Variants in PAK3 observed in about 807,000 individuals in gnomAD.
PAK3 encodes the protein p21 (RAC1) activated kinase 3, also known as serine/threonine-protein kinase PAK 3.
Under a neutral mutation model 41.0 loss-of-function variants are expected in PAK3, and 4 were observed. The ratio of observed to expected loss-of-function variants is 0.10; its 90% CI spans 0.05 to 0.22. The LOEUF (loss-of-function observed/expected upper bound fraction) is 0.22. PAK3 is among the 10% of genes least tolerant of loss of function. The pLI is 1.00. For missense variants in PAK3, 205 were observed against 409.9 expected (o/e 0.50, Z 4.32); for synonymous variants, 146 against 139.6 (o/e 1.05, Z -0.32).
At chrX:111,063,008 C>A (rs1264322837) in intron 1 of PAK3, among the ~76,000 whole-genome samples, 3 of 111,226 alleles carry the variant, frequency 2.7e-5, no homozygotes, top group Non-Finnish European at 5.7e-5. Flanking sequence ...AAAAAAAACT[C>A]TTACTTCCTA....
intron 1 of PAK3, among the ~76,000 whole-genome samples, chrX:111,054,741 A>G (rs1174221437): frequency 1.8e-5 from 2 of 111,259 alleles, no homozygotes; most frequent in Non-Finnish European, 3.8e-5. Context: ...AAATACTTCC[A>G]TATCTATTGA....
chrX:111,050,482 C>T (rs7883013), intron 1 of PAK3, among the ~76,000 whole-genome samples: 3,232 of 112,156 alleles, frequency 0.029, 107 homozygotes, highest in African/African-American at 0.097. Context: ...AAGTTCACCC[C>T]GATATGTAAA....
intron 1 of PAK3, among the ~76,000 whole-genome samples, chrX:111,044,336 G>C (rs1374595277): frequency 8.9e-6 from 1 of 112,066 alleles, no homozygotes; most frequent in Non-Finnish European, 1.9e-5. Context: ...ATGGCCTTTG[G>C]TTGCTCCTAC....
intron 1 of PAK3, among the ~76,000 whole-genome samples, chrX:110,994,556 G>A (rs547718249): frequency 8.1e-5 from 9 of 111,604 alleles, no homozygotes; most frequent in African/African-American, 2.9e-4. Context: ...GACCAAGCAG[G>A]ACACTTGCTG....
intron 5 of PAK3, among the ~76,000 whole-genome samples, chrX:111,126,725 A>G (rs774664837): frequency 3.6e-5 from 4 of 112,083 alleles, no homozygotes; most frequent in East Asian, 2.8e-4. Flanking sequence ...CTGAATAACC[A>G]TAATATCATT....
At chrX:111,145,519 C>T (rs774575065) in intron 6 of PAK3, among the ~76,000 whole-genome samples, 3 of 111,844 alleles carry the variant, frequency 2.7e-5, no homozygotes, top group African/African-American at 3.2e-5. Context: ...TTGGCCATTA[C>T]GGTATTAACA....
At position 111,192,152 on chromosome X, in the gene PAK3, C is replaced by A; in HGVS notation, c.856C>A (p.Leu286Ile). 1 of 1,124,016 alleles carries A rather than the reference C, an allele frequency of 8.9e-7. No homozygotes were observed. The highest frequency in any genetic ancestry group is 1.2e-6 in the Non-Finnish European group (1 of 816,772). The allele number at this position is 1,124,016 out of a possible 1,213,427, so 92.6% of individuals were successfully genotyped here. A position where few individuals can be genotyped will look rare whatever the true frequency, so the allele number is the denominator to read the frequency against. Reference sequence around the variant, plus strand: ...GGCATCAGGTACTGTTTATACAGCACTAGACATTGCAACAGGACAAGAGGT... The same window carrying A: ...GGCATCAGGTACTGTTTATACAGCAATAGACATTGCAACAGGACAAGAGGT... ...QGASGTVYTA[L>I]DIATGQEVAI... The change falls in exon 12 of 18, where the codon CTA becomes ATA. Residue 286 changes from leucine to isoleucine, a missense_variant. Leu to Ile is a conservative substitution (Grantham distance 5, BLOSUM62 2). Around this residue, in one of 5 missense-constraint regions of PAK3, gnomAD observed 42 missense variants for 152.7 expected, o/e 0.28. Transcript: ENST00000372007.
intron 1 of PAK3, among the ~76,000 whole-genome samples, chrX:111,006,852 T>TCTTTCTTTCTTTC (rs1265819390): frequency 4.1e-4 from 35 of 84,625 alleles, no homozygotes; most frequent in African/African-American, 4.5e-4. Context: ...TTTCTTTCTT[T>TCTTTCTTTCTTTC]TTTTTTTTTT....
At chrX:111,215,132 G>A (rs1307738602) in intron 16 of PAK3, among the ~76,000 whole-genome samples, 3 of 111,734 alleles carry the variant, frequency 2.7e-5, no homozygotes, top group African/African-American at 9.8e-5. Flanking sequence ...ACTAAACTGC[G>A]TGATCCTTCA....
intron 16 of PAK3, among the ~76,000 whole-genome samples, chrX:111,211,411 C>T (rs184361544): frequency 1.4e-3 from 151 of 110,750 alleles, no homozygotes; most frequent in African/African-American, 4.8e-3. Context: ...GTGGGCTGGA[C>T]GCGGTGGCTC....
intron 5 of PAK3, among the ~76,000 whole-genome samples, chrX:111,140,719 C>T (rs1034228810): frequency 9.0e-6 from 1 of 111,564 alleles, no homozygotes; most frequent in Non-Finnish European, 1.9e-5. Flanking sequence ...TCTTGTTCCC[C>T]TGCTCCCAAC....
At chrX:111,099,968 A>G (rs1442518826) in intron 3 of PAK3, among the ~76,000 whole-genome samples, 1 of 109,119 alleles carries the variant, frequency 9.2e-6, no homozygotes, top group Non-Finnish European at 1.9e-5. Context: ...AGTTTTAGGG[A>G]AAACAATACA....
intron 1 of PAK3, among the ~76,000 whole-genome samples, chrX:111,054,602 T>C: frequency 8.9e-6 from 1 of 111,891 alleles, no homozygotes. Context: ...TGTTTCTCCA[T>C]ACACTGTGAG....
At chrX:111,086,061 TTG>T (rs754802946) in intron 1 of PAK3, among the ~76,000 whole-genome samples, 9,407 of 81,656 alleles carry the variant, frequency 0.12, 1,416 homozygotes, top group African/African-American at 0.38. Context: ...TGATGTCAGC[TTG>T]TGTGTGTGTG....
intron 12 of PAK3, 126 bp downstream of exon 12, chrX:111,192,301 C>G: frequency 1.8e-6 from 1 of 552,836 alleles, no homozygotes; most frequent in Non-Finnish European, 3.1e-6. Flanking sequence ...TGTTTACTTC[C>G]TTGGTGCCCA....
intron 1 of PAK3, among the ~76,000 whole-genome samples, chrX:110,989,763 T>C (rs2091609977): frequency 9.0e-6 from 1 of 111,719 alleles, no homozygotes; most frequent in Non-Finnish European, 1.9e-5. Flanking sequence ...TCCTGCCTCC[T>C]AGTTGCTCTG....
intron 1 of PAK3, among the ~76,000 whole-genome samples, chrX:110,994,703 G>A (rs182767980): frequency 1.8e-5 from 2 of 111,640 alleles, no homozygotes; most frequent in African/African-American, 6.5e-5. Flanking sequence ...AAAACCATGG[G>A]CTTGGGAGTT....
rs186363849 is a variant in PAK3, at chrX:111,047,815, G to A, written c.-27-75262G>A. Among the ~76,000 whole-genome samples, 15 of 111,782 alleles carry A rather than the reference G, an allele frequency of 1.3e-4. No individual in the cohort carries two copies. In the East Asian group the frequency reaches 2.6e-3, roughly 19 times the overall value. Reference sequence around the variant, plus strand: ...GCAGGAAGTGCCATCTCCTCTGGCCGCCTGAAGGACTTTTCTCCTGCAATG... The same window carrying A: ...GCAGGAAGTGCCATCTCCTCTGGCCACCTGAAGGACTTTTCTCCTGCAATG... On this transcript the variant is annotated intron_variant, in intron 1 of 14. Coordinates refer to the PAK3 transcript ENST00000425146.
chrX:111,104,814 G>A (rs1372711523), intron 4 of PAK3, among the ~76,000 whole-genome samples: 2 of 110,977 alleles, frequency 1.8e-5, no homozygotes, highest in Admixed American at 9.6e-5. Context: ...GCTGAAGTTA[G>A]GTATTATCAT....
Sources: allele counts gnomAD v4.1 joint callset (sites outside exome capture counted in the v4.1 genomes callset), GRCh38; gene constraint gnomAD v4.1.1; regional missense constraint gnomAD v4.1.1; transcripts MANE v1.5; gene names NCBI Gene and HGNC (gene_info 2026-07-23, HGNC 2026-07-21).